The following ADAMTS5 variants were observed in gnomAD, a reference collection of about 807,000 sequenced individuals.
ADAMTS5 encodes ADAM metallopeptidase with thrombospondin type 1 motif 5.
A neutral mutation model predicts 81.4 loss-of-function variants in ADAMTS5; 54 were observed. That is an observed-to-expected ratio of 0.66 (90% confidence interval 0.53 to 0.83). The LOEUF (loss-of-function observed/expected upper bound fraction) is 0.83, where lower values mean the gene tolerates loss of function less well. ADAMTS5 is among the 40% of genes least tolerant of loss of function. The pLI is 0.00. For missense variants in ADAMTS5, 1,194 were observed against 1,229.9 expected (o/e 0.97, Z 0.44); for synonymous variants, 532 against 508.8 (o/e 1.05, Z -0.61).
chr21:26,942,801 T>C (rs1171315372), intron 3 of ADAMTS5, among the ~76,000 whole-genome samples: 1 of 152,194 alleles, frequency 6.6e-6, no homozygotes, highest in Non-Finnish European at 1.5e-5. Context: ...TCTTAAAGTG[T>C]TTTCCCATCA....
intron 2 of ADAMTS5, among the ~76,000 whole-genome samples, chr21:26,947,408 ATATT>A (rs1289527274): frequency 2.0e-5 from 3 of 151,536 alleles, no homozygotes; most frequent in Admixed American, 6.6e-5. Context: ...CCTCAGAACT[ATATT>A]TATTTTCTTT....
Position 26,923,726 on chromosome 21 carries a change from G to C in ADAMTS5, c.*327C>G, listed in dbSNP as rs187870773. 19 of 245,028 alleles carry C rather than the reference G, an allele frequency of 7.8e-5. No homozygotes were observed. Among genetic ancestry groups the C allele is most frequent in the Admixed American group, 4.4e-4 (9 of 20,590 alleles). 15.2% of individuals were successfully genotyped at this position (245,028 alleles called of 1,614,324 possible). The stretch of plus-strand genomic sequence containing the variant: ...TGAAAATGATTATGATACCATTAAA[G>C]ACATTCTATCAGAGGTAGGTGACAA... On this transcript the variant is annotated 3_prime_UTR_variant, in exon 8 of 8. Transcript: ENST00000284987.
chr21:26,966,348 A>T lies in ADAMTS5; in HGVS notation c.44T>A (p.Leu15Gln). ...GGCGGGGCCGACCGCGGCCAGGGGC[A>T]GGCGGAACGCGCACAGCAGCAGGGA... The part of the protein sequence containing the change: ...WASLLLCAFR[L>Q]PLAAVGPAAT... The change falls in exon 1 of 8, where the codon CTG (leucine) becomes CAG (glutamine). Residue 15 changes from leucine to glutamine, a missense_variant. Physicochemically the swap from Leu to Gln is moderately radical, Grantham distance 113 (BLOSUM62 -2). Around this residue, in one of 2 missense-constraint regions of ADAMTS5, gnomAD observed 498 missense variants for 412.3 expected, o/e 1.21. Coordinates refer to ENST00000284987, the MANE Select transcript of ADAMTS5 (RefSeq NM_007038.5). The T allele has an allele frequency of 6.7e-7, 1 of 1,502,782 alleles. No homozygotes were observed. The highest frequency in any genetic ancestry group is 1.3e-5 in the South Asian group (1 of 78,944). 93.1% of individuals were successfully genotyped at this position (1,502,782 alleles called of 1,614,324 possible).
In ADAMTS5 at chr21:26,921,934, C is replaced by A. The variant is rs986626239; in HGVS notation, c.*2119G>T. Reference sequence around the variant, plus strand: ...TTTTTAATGTTGTTGGGAATATAACCACAAAAAATAAAAATAAATTTTGTC... The same window carrying A: ...TTTTTAATGTTGTTGGGAATATAACAACAAAAAATAAAAATAAATTTTGTC... On this transcript the variant is annotated 3_prime_UTR_variant, in exon 8 of 8. Transcript: ENST00000284987. 1 of 151,850 alleles carries A rather than the reference C, an allele frequency of 6.6e-6. No homozygotes were observed. The highest frequency in any genetic ancestry group is 1.5e-5 in the Non-Finnish European group (1 of 67,886). 9.4% of individuals were successfully genotyped at this position (151,850 alleles called of 1,614,324 possible). A position where few individuals can be genotyped will look rare whatever the true frequency, so the allele number is the denominator to read the frequency against.
chr21:26,955,842 C>T (rs1257655971), intron 1 of ADAMTS5, among the ~76,000 whole-genome samples: 2 of 152,012 alleles, frequency 1.3e-5, no homozygotes, highest in Non-Finnish European at 2.9e-5. Context: ...AGAGCAAGAT[C>T]GTGTTTCTAG....
intron 1 of ADAMTS5, 150 bp downstream of exon 1, chr21:26,965,138 G>A (rs1250876077): frequency 6.5e-6 from 8 of 1,237,644 alleles, no homozygotes; most frequent in Non-Finnish European, 7.7e-6. Flanking sequence ...CAGGAGCAGA[G>A]TTGAAGGCTG....
At chr21:26,960,844 G>A (rs1987516754) in intron 1 of ADAMTS5, among the ~76,000 whole-genome samples, 1 of 152,170 alleles carries the variant, frequency 6.6e-6, no homozygotes, top group African/African-American at 2.4e-5. Context: ...GTTTGCTGAT[G>A]TCTGCAATGC....
In ADAMTS5 at chr21:26,946,387, C is replaced by A. The variant is rs148014498; in HGVS notation, c.1238-2840G>T. ...AGGAGTGCTCACGGTAAAGACGGCA[C>A]GCTATGATACCAAAAGCTAACTACC... On this transcript the variant is annotated intron_variant, in intron 2 of 7. Transcript: ENST00000284987. Among the ~76,000 whole-genome samples the A allele has an allele frequency of 8.6e-3, 1,315 of 152,134 alleles. 19 individuals carry two copies. The highest frequency in any genetic ancestry group is 0.03 in the African/African-American group (1,252 of 41,476).
At chr21:26,933,079 T>C in intron 4 of ADAMTS5, 35 bp from the exon 5 acceptor site, 1 of 1,572,878 alleles carries the variant, frequency 6.4e-7, no homozygotes, top group South Asian at 1.2e-5. Context: ...TTAACTCCAA[T>C]GAGAGAAAAA....
intron 3 of ADAMTS5, 133 bp from the exon 4 acceptor site, chr21:26,934,882 G>T: frequency 8.2e-7 from 1 of 1,219,748 alleles, no homozygotes. Context: ...GTAATGCTCT[G>T]GAGAGGGACT....
intron 3 of ADAMTS5, among the ~76,000 whole-genome samples, chr21:26,936,465 T>C (rs769641824): frequency 6.6e-6 from 1 of 152,230 alleles, no homozygotes; most frequent in Non-Finnish European, 1.5e-5. Flanking sequence ...AAAAGTCATA[T>C]TCAAATCCTT....
chr21:26,952,822 G>A (rs1987347548), intron 2 of ADAMTS5, among the ~76,000 whole-genome samples: 1 of 152,148 alleles, frequency 6.6e-6, no homozygotes, highest in Non-Finnish European at 1.5e-5. Context: ...CTCTCACTCT[G>A]AATGATGGTG....
At chr21:26,961,424 C>T (rs1268115179) in intron 1 of ADAMTS5, among the ~76,000 whole-genome samples, 1 of 152,188 alleles carries the variant, frequency 6.6e-6, no homozygotes, top group African/African-American at 2.4e-5. Context: ...CTTCCTTTTC[C>T]TTTCACAGAC....
At chr21:26,943,284 G>A in intron 3 of ADAMTS5, 96 bp downstream of exon 3, 1 of 1,219,348 alleles carries the variant, frequency 8.2e-7, no homozygotes, top group Non-Finnish European at 1.1e-6. Flanking sequence ...TATTGTCTTA[G>A]AGGGCAAGAT....
At chr21:26,927,883 T>C (rs1986833520) in intron 7 of ADAMTS5, among the ~76,000 whole-genome samples, 1 of 151,724 alleles carries the variant, frequency 6.6e-6, no homozygotes, top group Non-Finnish European at 1.5e-5. Flanking sequence ...GTGGTGGAAA[T>C]AGAACTGACA....
chr21:26,957,772 G>A (rs968763481), intron 1 of ADAMTS5, among the ~76,000 whole-genome samples: 1 of 152,162 alleles, frequency 6.6e-6, no homozygotes, highest in Admixed American at 6.5e-5. Context: ...CAGGATACAA[G>A]ACTGAGACAT....
intron 7 of ADAMTS5, among the ~76,000 whole-genome samples, chr21:26,925,483 TG>T (rs1015237213): frequency 6.6e-6 from 1 of 152,104 alleles, no homozygotes; most frequent in Admixed American, 6.6e-5. Context: ...GACAAAAAAA[TG>T]GGGAAAGACA....
chr21:26,919,648 A>G lies in ADAMTS5; in HGVS notation c.*4405T>C, dbSNP rs989694618. 4 of 152,034 alleles carry G rather than the reference A, an allele frequency of 2.6e-5. No individual in the cohort carries two copies. Among genetic ancestry groups the G allele is most frequent in the South Asian group, 4.1e-4 (2 of 4,826 alleles). The allele number at this position is 152,034 out of a possible 1,614,324, so 9.4% of individuals were successfully genotyped here. A position where few individuals can be genotyped will look rare whatever the true frequency, so the allele number is the denominator to read the frequency against. On this transcript the variant is annotated 3_prime_UTR_variant, in exon 8 of 8. Transcript: ENST00000284987. ...GGCTAATGCATGGTTTTGTATTTCA[A>G]TATGTTCTCATACATTAAATAAATG...
chr21:26,958,274 T>G (rs1987464936), intron 1 of ADAMTS5, among the ~76,000 whole-genome samples: 1 of 152,158 alleles, frequency 6.6e-6, no homozygotes, highest in Admixed American at 6.5e-5. Flanking sequence ...GAAGAACACC[T>G]TATATCAGAG....
Sources: gnomAD v4.1 joint callset for allele counts (sites outside exome capture counted in the v4.1 genomes callset) on GRCh38, gnomAD v4.1.1 for gene constraint, gnomAD v4.1.1 regional missense constraint, MANE v1.5 for transcripts, NCBI Gene and HGNC (gene_info 2026-07-23, HGNC 2026-07-21) for gene names.